The following CNTN3 variants were observed in gnomAD, a reference collection of about 807,000 sequenced individuals.
CNTN3 encodes contactin 3.
In CNTN3, 60 loss-of-function variants were observed where a neutral mutation model predicts 119.1. The observed-to-expected ratio is 0.50, with a 90% CI of 0.41 to 0.62. CNTN3 has a LOEUF of 0.62. Ranked by LOEUF, CNTN3 falls within the 20% of genes least tolerant of loss-of-function variation. The probability of loss-of-function intolerance (pLI) is 0.00; values close to 1 mark genes in which losing one functional copy is unlikely to be tolerated. For missense variants in CNTN3, 1,101 were observed against 1,242.4 expected (o/e 0.89, Z 1.71); for synonymous variants, 450 against 438.7 (o/e 1.03, Z -0.32).
At chr3:74,463,939 A>G (rs1273038640) in intron 4 of CNTN3, among the ~76,000 whole-genome samples, 1 of 152,166 alleles carries the variant, frequency 6.6e-6, no homozygotes, top group Non-Finnish European at 1.5e-5. Flanking sequence ...TACTGTTTCT[A>G]TTATATTTAA....
At chr3:74,575,079 C>G (rs1704392939) in intron 1 of CNTN3, among the ~76,000 whole-genome samples, 1 of 151,838 alleles carries the variant, frequency 6.6e-6, no homozygotes, top group Admixed American at 6.6e-5. Flanking sequence ...ATGTGCCACC[C>G]TGCCTCATTT....
intron 14 of CNTN3, 137 bp downstream of exon 14, chr3:74,302,553 T>G: frequency 3.3e-6 from 2 of 611,536 alleles, no homozygotes; most frequent in Non-Finnish European, 6.0e-6. Flanking sequence ...TATTGTCATA[T>G]TCTGTGGTCT....
intron 11 of CNTN3, among the ~76,000 whole-genome samples, chr3:74,346,520 G>GA (rs1703692149): frequency 6.6e-6 from 1 of 152,072 alleles, no homozygotes; most frequent in Non-Finnish European, 1.5e-5. Context: ...TCACAAAGTG[G>GA]AAAATGGGTC....
chr3:74,439,611 T>C (rs1437591674), intron 4 of CNTN3, among the ~76,000 whole-genome samples: 14 of 152,172 alleles, frequency 9.2e-5, no homozygotes, highest in Non-Finnish European at 4.4e-5. Context: ...CAAGAGAGAT[T>C]AGGTTTTGCC....
chr3:74,382,964 C>T (rs1162120042), intron 5 of CNTN3, among the ~76,000 whole-genome samples: 1 of 152,154 alleles, frequency 6.6e-6, no homozygotes, highest in Non-Finnish European at 1.5e-5. Flanking sequence ...CTATCAATTG[C>T]CCCTTCTTTA....
chr3:74,397,460 CTT>C (rs1328549229), intron 5 of CNTN3, among the ~76,000 whole-genome samples: 1 of 151,788 alleles, frequency 6.6e-6, no homozygotes, highest in Non-Finnish European at 1.5e-5. Context: ...AGACGGCAAA[CTT>C]GATCAATAAA....
At chr3:74,490,669 T>C (rs577227365) in intron 3 of CNTN3, among the ~76,000 whole-genome samples, 1 of 152,296 alleles carries the variant, frequency 6.6e-6, no homozygotes, top group African/African-American at 2.4e-5. Flanking sequence ...AGGAGAAAGA[T>C]TTGTTCCATT....
At chr3:74,465,827 G>A (rs1702451192) in intron 4 of CNTN3, among the ~76,000 whole-genome samples, 2 of 152,138 alleles carry the variant, frequency 1.3e-5, no homozygotes, top group South Asian at 2.1e-4. Context: ...AACCCTGAAG[G>A]AGAAGCAAGT....
intron 4 of CNTN3, among the ~76,000 whole-genome samples, chr3:74,439,893 T>A (rs1325867446): frequency 7.2e-5 from 11 of 152,214 alleles, no homozygotes; most frequent in Non-Finnish European, 1.5e-5. Flanking sequence ...GCCTGTGTTG[T>A]GACCTTCTGA....
chr3:74,321,321 C>A (rs909874476), intron 13 of CNTN3, among the ~76,000 whole-genome samples: 3 of 151,920 alleles, frequency 2.0e-5, no homozygotes, highest in African/African-American at 7.3e-5. Context: ...ATGATTTTAT[C>A]TCAATAAAAG....
chr3:74,363,697 T>C (rs1263701276), intron 10 of CNTN3, among the ~76,000 whole-genome samples: 1 of 152,108 alleles, frequency 6.6e-6, no homozygotes, highest in Non-Finnish European at 1.5e-5. Flanking sequence ...AATACATTCA[T>C]TTTGTTGGGA....
rs371995857 is a variant in CNTN3 at position 74,486,646 on chromosome 3, T to C, written c.183-15A>G. ...TCAGCTGCCATCTGTAAAACAAATA[T>C]CAAGGTTCCCCCCCCTTAGTATTTT... is the stretch of plus-strand genomic sequence containing the variant. On this transcript the variant is annotated splice_polypyrimidine_tract_variant and intron_variant, in intron 3 of 22. Transcript: ENST00000263665. The C allele has an allele frequency of 4.6e-6, 7 of 1,513,282 alleles. No individual in the cohort carries two copies. The African/African-American group carries it at 1.0e-4, about 22-fold the overall frequency. The allele number at this position is 1,513,282 out of a possible 1,614,324, so 93.7% of individuals were successfully genotyped here. A position where few individuals can be genotyped will look rare whatever the true frequency, so the allele number is the denominator to read the frequency against.
At chr3:74,320,365 G>GT (rs1559544882) in intron 13 of CNTN3, among the ~76,000 whole-genome samples, 1 of 152,112 alleles carries the variant, frequency 6.6e-6, no homozygotes, top group Admixed American at 6.5e-5. Context: ...CATGTCCTTT[G>GT]TAGGGACATG....
intron 5 of CNTN3, among the ~76,000 whole-genome samples, chr3:74,413,190 T>C (rs1701466391): frequency 1.3e-5 from 2 of 152,056 alleles, no homozygotes; most frequent in South Asian, 4.1e-4. Context: ...ACGTCCCAGG[T>C]AGGGACCACT....
At chr3:74,525,277 C>T (rs777713487) in intron 1 of CNTN3, among the ~76,000 whole-genome samples, 6 of 151,876 alleles carry the variant, frequency 4.0e-5, no homozygotes, top group East Asian at 2.0e-4. Flanking sequence ...TTCATTTATA[C>T]GTACACACAT....
At chr3:74,553,309 C>T (rs1321408123) in intron 1 of CNTN3, among the ~76,000 whole-genome samples, 3 of 152,144 alleles carry the variant, frequency 2.0e-5, no homozygotes, top group East Asian at 3.9e-4. Context: ...TGTATATGTG[C>T]CACATTTTCT....
chr3:74,529,572 C>T (rs1454778580), intron 1 of CNTN3, among the ~76,000 whole-genome samples: 2 of 151,724 alleles, frequency 1.3e-5, no homozygotes, highest in African/African-American at 4.8e-5. Flanking sequence ...GAGAGGTTAC[C>T]ACTAAGGACA....
intron 13 of CNTN3, among the ~76,000 whole-genome samples, chr3:74,316,474 C>T (rs1702832563): frequency 6.6e-6 from 1 of 152,106 alleles, no homozygotes; most frequent in African/African-American, 2.4e-5. Context: ...ACCCAGCAAT[C>T]CCATTACTAG....
In CNTN3 at chr3:74,365,546, T is replaced by G. The variant is rs200732535; in HGVS notation, c.1083+20A>C. 3 of 1,612,966 alleles carry G rather than the reference T, an allele frequency of 1.9e-6. No homozygotes were observed. The highest frequency in any genetic ancestry group is 2.5e-6 in the Non-Finnish European group (3 of 1,179,224). On this transcript the variant is annotated intron_variant, in intron 9 of 22. Coordinates refer to ENST00000263665, the MANE Select transcript of CNTN3 (RefSeq NM_020872.3). ...GATTTACCAGGCCTCTAAACCCATTTTAGGTCCATGTTACCTTACCTCTAG... is the reference window on the plus strand; with the variant it reads ...GATTTACCAGGCCTCTAAACCCATTGTAGGTCCATGTTACCTTACCTCTAG...
Sources: gnomAD v4.1 joint callset for allele counts (sites outside exome capture counted in the v4.1 genomes callset) on GRCh38, gnomAD v4.1.1 for gene constraint, MANE v1.5 for transcripts, NCBI Gene and HGNC (gene_info 2026-07-23, HGNC 2026-07-21) for gene names.